PTPRD: variants seen among roughly 807,000 people sequenced by gnomAD.
PTPRD encodes the protein protein tyrosine phosphatase receptor type D.
Under a neutral mutation model 214.5 loss-of-function variants are expected in PTPRD, and 34 were observed. The ratio of observed to expected loss-of-function variants is 0.16; its 90% CI spans 0.12 to 0.21. PTPRD has a LOEUF of 0.21. PTPRD is among the 10% of genes least tolerant of loss of function. The pLI is 1.00. For synonymous variants in PTPRD, 1,128 were observed against 845.7 expected (o/e 1.33, Z -5.79); for missense variants, 2,545 against 2,398.7 (o/e 1.06, Z -1.27).
chr9:8,779,883 A>G (rs2095628000), intron 11 of PTPRD, among the ~76,000 whole-genome samples: 1 of 148,198 alleles, frequency 6.7e-6, no homozygotes. Context: ...AAGAGATGTC[A>G]TTTATCTTAC....
At chr9:9,879,605 C>G (rs181134304) in intron 5 of PTPRD, among the ~76,000 whole-genome samples, 31 of 152,292 alleles carry the variant, frequency 2.0e-4, no homozygotes, top group Admixed American at 1.3e-3. Context: ...ACAACCAACT[C>G]TCCACTCACA....
At chr9:8,539,424 C>T (rs983187272) in intron 14 of PTPRD, among the ~76,000 whole-genome samples, 1 of 151,632 alleles carries the variant, frequency 6.6e-6, no homozygotes, top group Non-Finnish European at 1.5e-5. Context: ...TTGCTGTATT[C>T]TAAGCACGGT....
intron 11 of PTPRD, among the ~76,000 whole-genome samples, chr9:8,946,481 G>C (rs1445503295): frequency 1.3e-5 from 2 of 152,078 alleles, no homozygotes; most frequent in African/African-American, 4.8e-5. Flanking sequence ...CCTGGGAAAG[G>C]ATTAAGTGAT....
rs558451421 is a variant in PTPRD, at chr9:10,375,002, TA to T, written c.-599-33986del. Among the ~76,000 whole-genome samples, 377 of 152,170 alleles carry T rather than the reference TA, an allele frequency of 2.5e-3. 2 individuals are homozygous for T. Among genetic ancestry groups the T allele is most frequent in the African/African-American group, 6.3e-3 (260 of 41,542 alleles). On this transcript the variant is annotated intron_variant, in intron 2 of 45. Coordinates refer to ENST00000381196, the MANE Select transcript of PTPRD (RefSeq NM_002839.4). ...ACTATGGAAACATAGAAAAACTAGA[TA>T]AAAACATCTTTGAATTATTGTTAAC...
intron 4 of PTPRD, among the ~76,000 whole-genome samples, chr9:10,019,176 A>T (rs1393079382): frequency 6.6e-6 from 1 of 152,228 alleles, no homozygotes; most frequent in Non-Finnish European, 1.5e-5. Context: ...ACATGAAAAA[A>T]TGCTCACCAT....
intron 5 of PTPRD, among the ~76,000 whole-genome samples, chr9:9,838,761 T>C (rs1432961692): frequency 6.6e-6 from 1 of 152,200 alleles, no homozygotes. Flanking sequence ...GCAGAAACTC[T>C]TTAGTTTAAT....
At chr9:9,840,777 A>C (rs1456615139) in intron 5 of PTPRD, among the ~76,000 whole-genome samples, 5 of 45,960 alleles carry the variant, frequency 1.1e-4, no homozygotes, top group African/African-American at 1.6e-4. Flanking sequence ...AAAAAAAAAA[A>C]AAAAAAAAAA....
At chr9:9,274,303 C>T (rs1319212316) in intron 9 of PTPRD, among the ~76,000 whole-genome samples, 3 of 151,276 alleles carry the variant, frequency 2.0e-5, no homozygotes, top group Admixed American at 1.3e-4. Context: ...ATATGCTTTA[C>T]GCTTATGTTT....
chr9:9,196,375 G>C (rs916163838), intron 9 of PTPRD, among the ~76,000 whole-genome samples: 1 of 152,070 alleles, frequency 6.6e-6, no homozygotes, highest in African/African-American at 2.4e-5. Flanking sequence ...TCCTTGCTCT[G>C]AAATAATTCA....
intron 12 of PTPRD, among the ~76,000 whole-genome samples, chr9:8,701,898 T>G (rs889307225): frequency 1.3e-5 from 2 of 152,214 alleles, no homozygotes; most frequent in African/African-American, 4.8e-5. Flanking sequence ...TCTTTATTCT[T>G]TTCTCAATGT....
chr9:9,020,709 G>A (rs770373304), intron 10 of PTPRD, among the ~76,000 whole-genome samples: 2 of 152,162 alleles, frequency 1.3e-5, no homozygotes, highest in African/African-American at 2.4e-5. Flanking sequence ...TTGGGTAAGT[G>A]TTTCTAGAAG....
chr9:10,431,238 A>G (rs946980863), intron 2 of PTPRD, among the ~76,000 whole-genome samples: 2 of 152,082 alleles, frequency 1.3e-5, no homozygotes, highest in African/African-American at 4.8e-5. Context: ...CCATATGTAG[A>G]AAGCTGAAAC....
intron 12 of PTPRD, among the ~76,000 whole-genome samples, chr9:8,696,954 T>A (rs147477030): frequency 0.013 from 1,963 of 148,668 alleles, 22 homozygotes; most frequent in Middle Eastern, 0.045. Context: ...AACGGTTTCT[T>A]CATTTTAGTT....
intron 14 of PTPRD, among the ~76,000 whole-genome samples, chr9:8,566,100 A>ATATGTGTGTGTGTGTG (rs1554806757): frequency 2.2e-5 from 3 of 137,814 alleles, no homozygotes; most frequent in East Asian, 2.2e-4. Context: ...AATGCAAAAT[A>ATATGTGTGTGTGTGTG]TGTGTGTGTG....
intron 9 of PTPRD, among the ~76,000 whole-genome samples, chr9:9,246,542 C>A (rs2099973138): frequency 6.6e-6 from 1 of 152,080 alleles, no homozygotes; most frequent in African/African-American, 2.4e-5. Context: ...GAAATCTTCT[C>A]AACTGGCTAT....
chr9:8,419,408 T>C (rs1329871133), intron 35 of PTPRD, among the ~76,000 whole-genome samples: 1 of 152,098 alleles, frequency 6.6e-6, no homozygotes, highest in Non-Finnish European at 1.5e-5. Flanking sequence ...GTGAGTCTTA[T>C]TTACTCCATT....
intron 11 of PTPRD, among the ~76,000 whole-genome samples, chr9:8,897,388 G>A (rs2098628208): frequency 6.6e-6 from 1 of 152,122 alleles, no homozygotes; most frequent in Non-Finnish European, 1.5e-5. Context: ...GAAGACAGAT[G>A]TGCAGGTTGA....
In PTPRD at chr9:8,423,086, C is replaced by T. The variant is rs563450242; in HGVS notation, c.4086+13506G>A. On this transcript the variant is annotated intron_variant, in intron 35 of 45. Coordinates refer to ENST00000381196, the MANE Select transcript of PTPRD (RefSeq NM_002839.4). Reference sequence around the variant, plus strand: ...TGAGAAAACAAAAAGGGAAACCTGACATCAGAATCTGAACGTTATTACATT... The same window carrying T: ...TGAGAAAACAAAAAGGGAAACCTGATATCAGAATCTGAACGTTATTACATT... 3.3e-5 allele frequency among the ~76,000 whole-genome samples: 5 copies of T among 152,274 alleles called. No homozygotes were observed. The East Asian group carries it at 9.7e-4, about 29-fold the overall frequency.
intron 5 of PTPRD, among the ~76,000 whole-genome samples, chr9:9,933,542 T>TATAC (rs2087743882): frequency 6.6e-6 from 1 of 151,720 alleles, no homozygotes; most frequent in African/African-American, 2.4e-5. Flanking sequence ...CCTAAATATA[T>TATAC]ATACACCCAA....
Sources: gnomAD v4.1 joint callset for allele counts (sites outside exome capture counted in the v4.1 genomes callset) on GRCh38, gnomAD v4.1.1 for gene constraint, MANE v1.5 for transcripts, NCBI Gene and HGNC (gene_info 2026-07-23, HGNC 2026-07-21) for gene names.